The following SYT1 variants were observed in gnomAD, a reference collection of about 807,000 sequenced individuals.
SYT1 encodes synaptotagmin-1.
A neutral mutation model predicts 44.8 loss-of-function variants in SYT1; 8 were observed. The ratio of observed to expected loss-of-function variants is 0.18; its 90% CI spans 0.10 to 0.32. SYT1 has a LOEUF of 0.32. SYT1 is among the 10% of genes least tolerant of loss of function. The pLI, the probability that SYT1 is intolerant of heterozygous loss-of-function variation, is 1.00. For missense variants in SYT1, 286 were observed against 509.3 expected (o/e 0.56, Z 4.22); for synonymous variants, 154 against 188.8 (o/e 0.82, Z 1.51).
chr12:79,295,034 T>A lies in SYT1; in HGVS notation c.475-1035T>A, dbSNP rs529196024. On this transcript the variant is annotated intron_variant, in intron 6 of 10. Coordinates refer to ENST00000261205, the MANE Select transcript of SYT1 (RefSeq NM_005639.3). ...AATTAAAATGGTTATGCATTTTTTT[T>A]AAGAGGGGGAATTGCTTTTTTACTC... Among the ~76,000 whole-genome samples the A allele has an allele frequency of 3.3e-5, 5 of 152,240 alleles. No individual in the cohort carries two copies. The South Asian group carries it at 8.3e-4, about 25-fold the overall frequency.
At chr12:78,931,333 G>GA in intron 1 of SYT1, among the ~76,000 whole-genome samples, 1 of 33,570 alleles carries the variant, frequency 3.0e-5, no homozygotes, top group Non-Finnish European at 5.4e-5. Flanking sequence ...GGGAGGGAGG[G>GA]AGGGAAGGAA....
chr12:79,352,535 G>A (rs1417425242), intron 8 of SYT1, among the ~76,000 whole-genome samples: 2 of 151,980 alleles, frequency 1.3e-5, no homozygotes, highest in South Asian at 2.1e-4. Flanking sequence ...AGTATCTGAG[G>A]GGCATACAAC....
chr12:78,913,946 T>C (rs1338713612), intron 1 of SYT1, among the ~76,000 whole-genome samples: 1 of 151,760 alleles, frequency 6.6e-6, no homozygotes, highest in East Asian at 1.9e-4. Context: ...GGGCATTGAA[T>C]TGGGTTTGCC....
chr12:79,142,260 C>A (rs967670888), intron 3 of SYT1, among the ~76,000 whole-genome samples: 1 of 152,164 alleles, frequency 6.6e-6, no homozygotes, highest in African/African-American at 2.4e-5. Context: ...CCCTGTGGTG[C>A]CAGGTAAGCG....
At chr12:79,085,238 A>T (rs1213089494) in intron 3 of SYT1, among the ~76,000 whole-genome samples, 2 of 152,138 alleles carry the variant, frequency 1.3e-5, no homozygotes, top group Non-Finnish European at 2.9e-5. Context: ...TAGCAGTAAG[A>T]AATATGACAT....
intron 3 of SYT1, among the ~76,000 whole-genome samples, chr12:79,069,842 A>G (rs1461931918): frequency 6.6e-6 from 1 of 152,140 alleles, no homozygotes; most frequent in Non-Finnish European, 1.5e-5. Context: ...TATGTTTCCA[A>G]AAATACAAAT....
At chr12:79,338,844 G>A (rs4842450) in intron 8 of SYT1, among the ~76,000 whole-genome samples, 3,577 of 151,394 alleles carry the variant, frequency 0.024, 69 homozygotes, top group East Asian at 0.1. Context: ...CAACAGGCCC[G>A]TGTGTGATGT....
At chr12:79,353,361 A>G in intron 8 of SYT1, 141 bp from the exon 9 acceptor site, 1 of 610,768 alleles carries the variant, frequency 1.6e-6, no homozygotes, top group East Asian at 2.8e-5. Context: ...ATGAAAGGCC[A>G]CTGTGTAAAT....
chr12:79,300,811 ATATATATATATATT>A (rs1375878531), intron 8 of SYT1, among the ~76,000 whole-genome samples: 2 of 141,518 alleles, frequency 1.4e-5, no homozygotes, highest in African/African-American at 5.1e-5. Context: ...ATATATATAT[ATATATATATATATT>A]TACTGTCTCA....
intron 1 of SYT1, among the ~76,000 whole-genome samples, chr12:78,887,691 T>G (rs548451947): frequency 6.6e-6 from 1 of 152,066 alleles, no homozygotes; most frequent in South Asian, 2.1e-4. Context: ...GAGCTCCTCA[T>G]AAGTAAAGAG....
intron 6 of SYT1, 104 bp downstream of exon 6, chr12:79,292,234 GA>G: frequency 7.4e-7 from 1 of 1,350,988 alleles, no homozygotes; most frequent in Non-Finnish European, 1.0e-6. Flanking sequence ...GCTGTGAGGG[GA>G]AAATGCAATT....
At position 79,377,302 on chromosome 12, in the gene SYT1, G is replaced by A. The variant is rs1343934083; in HGVS notation, c.928+23683G>A. On this transcript the variant is annotated intron_variant, in intron 9 of 10. Transcript: ENST00000261205. ...AATTTTTTGTATTTTCAGTAGAGAC[G>A]AGGTTTCACCGTTTTAGCCAGGATG... Among the ~76,000 whole-genome samples the A allele has an allele frequency of 2.6e-5, 4 of 152,208 alleles. No homozygotes were observed. The East Asian group carries it at 5.8e-4, about 22-fold the overall frequency.
chr12:79,211,094 T>C (rs2138534784), intron 3 of SYT1, among the ~76,000 whole-genome samples: 1 of 152,206 alleles, frequency 6.6e-6, no homozygotes, highest in South Asian at 2.1e-4. Flanking sequence ...AGGGGAAAAG[T>C]GGGTATTCTT....
chr12:78,924,009 A>G (rs1224507786), intron 1 of SYT1, among the ~76,000 whole-genome samples: 1 of 151,810 alleles, frequency 6.6e-6, no homozygotes, highest in Non-Finnish European at 1.5e-5. Context: ...CTCAATCTTA[A>G]TTTGCGTTTC....
At chr12:79,051,204 G>A (rs1476705239) in intron 3 of SYT1, among the ~76,000 whole-genome samples, 1 of 151,468 alleles carries the variant, frequency 6.6e-6, no homozygotes, top group Non-Finnish European at 1.5e-5. Flanking sequence ...GAAAATTTAT[G>A]TAAATTATTG....
At chr12:79,322,391 C>A (rs1386638583) in intron 8 of SYT1, among the ~76,000 whole-genome samples, 1 of 152,122 alleles carries the variant, frequency 6.6e-6, no homozygotes, top group Non-Finnish European at 1.5e-5. Context: ...TACATGCCTG[C>A]ATCTGTTTGG....
At chr12:79,032,904 C>A (rs946622313) in intron 2 of SYT1, among the ~76,000 whole-genome samples, 1 of 151,214 alleles carries the variant, frequency 6.6e-6, no homozygotes, top group African/African-American at 2.4e-5. Context: ...CACTTGAAAT[C>A]ACTTGCTATA....
chr12:79,032,370 G>A (rs1872881325), intron 2 of SYT1, among the ~76,000 whole-genome samples: 1 of 151,074 alleles, frequency 6.6e-6, no homozygotes, highest in African/African-American at 2.4e-5. Flanking sequence ...TTTATAGGCA[G>A]GGACCTTATC....
chr12:79,112,185 A>T (rs1879051193), intron 3 of SYT1, among the ~76,000 whole-genome samples: 1 of 152,082 alleles, frequency 6.6e-6, no homozygotes, highest in Non-Finnish European at 1.5e-5. Flanking sequence ...GGGATTGTGG[A>T]CTCAAAAGAA....
Sources: allele counts gnomAD v4.1 joint callset (sites outside exome capture counted in the v4.1 genomes callset), GRCh38; gene constraint gnomAD v4.1.1; transcripts MANE v1.5; gene names NCBI Gene and HGNC (gene_info 2026-07-23, HGNC 2026-07-21).